CIT: variants seen among roughly 807,000 people sequenced by gnomAD.
CIT encodes the protein citron Rho-interacting kinase.
CIT carries 79 observed loss-of-function variants against 272.7 expected under a neutral mutation model. That is an observed-to-expected ratio of 0.29 (90% CI 0.24 to 0.35). The LOEUF (loss-of-function observed/expected upper bound fraction) is 0.35. Among genes scored for constraint, CIT ranks in the 10% least tolerant of loss-of-function variants. CIT has a pLI of 1.00. For synonymous variants in CIT, 948 were observed against 995.6 expected, an observed-to-expected ratio of 0.95 and a Z score of 0.90; for missense variants, 1,909 against 2,618.3, an observed-to-expected ratio of 0.73 and a Z score of 5.91.
At chr12:119,774,863 A>G (rs1441225275) in intron 16 of CIT, among the ~76,000 whole-genome samples, 1 of 152,192 alleles carries the variant, frequency 6.6e-6, no homozygotes, top group Non-Finnish European at 1.5e-5. Context: ...AGTCCCAGCT[A>G]CCCAGGAGGC....
At chr12:119,721,964 C>A in intron 28 of CIT, among the ~76,000 whole-genome samples, 1 of 152,122 alleles carries the variant, frequency 6.6e-6, no homozygotes, top group South Asian at 2.1e-4. Flanking sequence ...TAAGAGACCC[C>A]AACAAGTACA....
chr12:119,784,466 G>C lies in CIT; in HGVS notation c.1402-415C>G, dbSNP rs765165029. ...GGACAGGGCAAGGAGATATTTATTC[G>C]TCTGCACTCTTAGGAGTCCCAGGCA... On this transcript the variant is annotated intron_variant, in intron 11 of 47. Transcript: ENST00000392521. This position sits in a 1 kb window ranked among gnomAD's most constrained non-coding sequence, Gnocchi z 4.7. The C allele has an allele frequency of 1.7e-6, 2 of 1,198,028 alleles. No homozygotes were observed. The highest frequency in any genetic ancestry group is 2.1e-6 in the Non-Finnish European group (2 of 950,204). The allele number at this position is 1,198,028 out of a possible 1,614,324, so 74.2% of individuals were successfully genotyped here. A position where few individuals can be genotyped will look rare whatever the true frequency, so the allele number is the denominator to read the frequency against.
chr12:119,776,110 T>C (rs1963723496), intron 15 of CIT, among the ~76,000 whole-genome samples: 2 of 152,182 alleles, frequency 1.3e-5, no homozygotes, highest in South Asian at 4.1e-4. Context: ...AATTTTCCTA[T>C]ACTTTTTACT....
intron 9 of CIT, among the ~76,000 whole-genome samples, chr12:119,812,102 T>G (rs1473409808): frequency 2.6e-5 from 4 of 151,992 alleles, no homozygotes; most frequent in African/African-American, 9.7e-5. Flanking sequence ...CCTGCCACCA[T>G]GCCTGGATAC....
chr12:119,688,360 C>T, intron 47 of CIT, 105 bp from the exon 48 acceptor site: 2 of 1,122,746 alleles, frequency 1.8e-6, no homozygotes, highest in Non-Finnish European at 1.4e-6. Context: ...CTATCCCCTT[C>T]AGCAGCTAGC....
At chr12:119,829,404 G>GAGAAGAGAAGAGCTT (rs1968450134) in intron 7 of CIT, among the ~76,000 whole-genome samples, 1 of 143,272 alleles carries the variant, frequency 7.0e-6, no homozygotes. Context: ...GAGAAGAGAA[G>GAGAAGAGAAGAGCTT]AGCTTACAAA....
chr12:119,721,079 T>G (rs1240841353), intron 29 of CIT, among the ~76,000 whole-genome samples: 1 of 152,178 alleles, frequency 6.6e-6, no homozygotes, highest in East Asian at 1.9e-4. Context: ...CCATTCTCCT[T>G]CCTCAGTCTC....
At chr12:119,758,751 G>C (rs765609744) in intron 20 of CIT, 51 bp from the exon 21 acceptor site, 1 of 1,180,508 alleles carries the variant, frequency 8.5e-7, no homozygotes, top group Non-Finnish European at 1.3e-6. Context: ...AGGAGTAACA[G>C]GGGCAGTGCG....
At chr12:119,821,310 G>C (rs199506414) in intron 9 of CIT, among the ~76,000 whole-genome samples, 2 of 150,516 alleles carry the variant, frequency 1.3e-5, no homozygotes, top group Admixed American at 1.3e-4. Flanking sequence ...AAAAAAAAAA[G>C]AATTTTTTAA....
In CIT at chr12:119,730,539, C is replaced by G. The variant is rs1958379731; in HGVS notation, c.3442G>C (p.Ala1148Pro). The G allele has an allele frequency of 6.2e-7, 1 of 1,613,910 alleles. No individual in the cohort carries two copies. The highest frequency in any genetic ancestry group is 8.5e-7 in the Non-Finnish European group (1 of 1,179,946). Residue 1148 changes from alanine to proline, a missense_variant, in exon 27 of 48, where the codon GCT becomes CCT. Ala to Pro is a conservative substitution (Grantham distance 27). This residue lies in a region of CIT where 530 missense variants were observed against 822.4 expected (regional missense o/e 0.64). Transcript: ENST00000392521. ...HKAEILALQQ[A>P]LKEQKLKAES... ...GCCTTCAGCTTCTGCTCTTTGAGAGCCTGCTGCAGAGCGAGAATCTCAGCC... is the reference window on the plus strand; with the variant it reads ...GCCTTCAGCTTCTGCTCTTTGAGAGGCTGCTGCAGAGCGAGAATCTCAGCC...
At position 119,798,913 on chromosome 12, in the gene CIT, T is replaced by C. The variant is rs576760715; in HGVS notation, c.1295+4293A>G. 5.9e-5 allele frequency among the ~76,000 whole-genome samples: 9 copies of C among 152,372 alleles called. No individual in the cohort carries two copies. In the South Asian group the frequency reaches 1.9e-3, roughly 32 times the overall value. Reference sequence around the variant, plus strand: ...CCATGATATTCTGCAGCAATGGTGTTTGCTTTACTTTCTCTCAGTTGTTTC... The same window carrying C: ...CCATGATATTCTGCAGCAATGGTGTCTGCTTTACTTTCTCTCAGTTGTTTC... On this transcript the variant is annotated intron_variant, in intron 10 of 47. Coordinates refer to ENST00000392521, the MANE Select transcript of CIT (RefSeq NM_001206999.2).
At chr12:119,717,098 A>G (rs1957532115) in intron 32 of CIT, among the ~76,000 whole-genome samples, 1 of 152,166 alleles carries the variant, frequency 6.6e-6, no homozygotes, top group South Asian at 2.1e-4. Flanking sequence ...TGTTGCCCAG[A>G]CTGGAATGCA....
At chr12:119,715,153 T>C (rs543732290) in intron 32 of CIT, among the ~76,000 whole-genome samples, 93 of 152,308 alleles carry the variant, frequency 6.1e-4, no homozygotes, top group African/African-American at 2.1e-3. Flanking sequence ...CACCGCCACA[T>C]GAGACATGCC....
intron 3 of CIT, among the ~76,000 whole-genome samples, chr12:119,864,947 T>A (rs1950473711): frequency 6.6e-6 from 1 of 151,800 alleles, no homozygotes; most frequent in Non-Finnish European, 1.5e-5. Flanking sequence ...TCTCTAACAG[T>A]CCCCAAAGAA....
At chr12:119,855,784 AAT>A (rs1271465855) in intron 4 of CIT, among the ~76,000 whole-genome samples, 5 of 152,088 alleles carry the variant, frequency 3.3e-5, no homozygotes, top group African/African-American at 9.7e-5. Context: ...TACCTATTTG[AAT>A]ATCTCTATTG....
Position 119,804,523 on chromosome 12 carries a change from G to A in CIT, c.1112-1134C>T. ...GCAGCATGAGTCACTGCCCGCCAGGGCTCGCTAGAGCTCCCCCTAGGACAG... is the reference window on the plus strand; with the variant it reads ...GCAGCATGAGTCACTGCCCGCCAGGACTCGCTAGAGCTCCCCCTAGGACAG... On this transcript the variant is annotated intron_variant, in intron 9 of 47. Transcript: ENST00000392521. The surrounding 1 kb of genome is among the most constrained non-coding windows in gnomAD (Gnocchi z 5.3). 1 of 977,614 alleles carries A rather than the reference G, an allele frequency of 1.0e-6. No individual in the cohort carries two copies. Among genetic ancestry groups the A allele is most frequent in the Non-Finnish European group, 1.2e-6 (1 of 822,782 alleles). 60.6% of individuals were successfully genotyped at this position (977,614 alleles called of 1,614,324 possible).
chr12:119,752,111 T>G lies in CIT; in HGVS notation c.2843A>C (p.Gln948Pro). The G allele has an allele frequency of 6.2e-7, 1 of 1,613,106 alleles. No individual in the cohort carries two copies. Among genetic ancestry groups the G allele is most frequent in the Non-Finnish European group, 8.5e-7 (1 of 1,180,008 alleles). Residue 948 changes from glutamine (Q) to proline (P), a missense_variant, in exon 23 of 48, where the codon CAG becomes CCG. Coordinates refer to ENST00000392521, the MANE Select transcript of CIT (RefSeq NM_001206999.2). ...GGTCTCTTCCAGCTCTGTCTTCGCC[T>G]GGCGAAGCTGGCTCTCCAGGGCCGC... ...ARAALESQLRQAKTELEETTA... is the reference protein window; with the variant it reads ...ARAALESQLRPAKTELEETTA...
At chr12:119,803,458 G>C in intron 9 of CIT, 69 bp from the exon 10 acceptor site, 1 of 1,168,962 alleles carries the variant, frequency 8.6e-7, no homozygotes, top group South Asian at 1.5e-5. Context: ...ACACTGTTGC[G>C]GAGAAGATCG....
chr12:119,732,678 A>C (rs1218312850), intron 26 of CIT, among the ~76,000 whole-genome samples: 13 of 152,236 alleles, frequency 8.5e-5, no homozygotes, highest in Admixed American at 8.5e-4. Context: ...AATCCATCTG[A>C]CATATTTAGT....
Sources: gnomAD v4.1 joint callset for allele counts (sites outside exome capture counted in the v4.1 genomes callset) on GRCh38, gnomAD v4.1.1 for gene constraint, gnomAD v4.1.1 regional missense constraint, Gnocchi (gnomAD v3.1) non-coding constraint, MANE v1.5 for transcripts, NCBI Gene and HGNC (gene_info 2026-07-23, HGNC 2026-07-21) for gene names.